The following SLC44A5 variants were observed in gnomAD, a reference collection of about 807,000 sequenced individuals.
SLC44A5 encodes solute carrier family 44 member 5.
A neutral mutation model predicts 101.8 loss-of-function variants in SLC44A5; 57 were observed. That is an observed-to-expected ratio of 0.56 (90% confidence interval 0.45 to 0.70). The LOEUF is 0.70. Ranked by LOEUF, SLC44A5 falls within the 30% of genes least tolerant of loss-of-function variation. The pLI is 0.00. For synonymous variants in SLC44A5, 281 were observed against 290.9 expected (o/e 0.97, Z 0.35); for missense variants, 737 against 853.1 (o/e 0.86, Z 1.70).
chr1:75,631,231 A>G, the SLC44A5 span, among the ~76,000 whole-genome samples: 1 of 152,214 alleles, frequency 6.6e-6, no homozygotes, highest in Non-Finnish European at 1.5e-5. Context: ...AAAGTTCAAC[A>G]TGAATGGTCT....
chr1:75,385,952 A>T (rs1423022693), intron 3 of SLC44A5, among the ~76,000 whole-genome samples: 1 of 152,188 alleles, frequency 6.6e-6, no homozygotes, highest in Non-Finnish European at 1.5e-5. Context: ...AACCAAAGAC[A>T]AAAACCACAT....
intron 4 of SLC44A5, among the ~76,000 whole-genome samples, chr1:75,321,610 G>A (rs752501526): frequency 3.3e-5 from 5 of 152,024 alleles, no homozygotes; most frequent in South Asian, 2.1e-4. Context: ...GTTTCAACAC[G>A]TATATTTTGG....
chr1:75,664,541 A>G, the SLC44A5 span, among the ~76,000 whole-genome samples: 1 of 152,294 alleles, frequency 6.6e-6, no homozygotes, highest in East Asian at 1.9e-4. Context: ...CAAGAATGCA[A>G]TTCCATTTAC....
the SLC44A5 span, among the ~76,000 whole-genome samples, chr1:75,685,004 G>A: frequency 5.3e-5 from 8 of 152,184 alleles, no homozygotes; most frequent in African/African-American, 1.9e-4. Context: ...TACATCCTCT[G>A]AAATCGAGGC....
At chr1:75,692,455 A>T in the SLC44A5 span, among the ~76,000 whole-genome samples, 1 of 152,084 alleles carries the variant, frequency 6.6e-6, no homozygotes, top group South Asian at 2.1e-4. Flanking sequence ...TCAGCCTCCC[A>T]AAGTGCTGGG....
intron 1 of SLC44A5, among the ~76,000 whole-genome samples, chr1:75,579,745 T>C (rs1408119398): frequency 1.3e-5 from 2 of 151,986 alleles, no homozygotes; most frequent in African/African-American, 4.8e-5. Context: ...ACAGAATATA[T>C]AGAAGAACAA....
chr1:75,711,222 G>C, the SLC44A5 span, among the ~76,000 whole-genome samples: 1 of 152,126 alleles, frequency 6.6e-6, no homozygotes, highest in Non-Finnish European at 1.5e-5. Context: ...ATAGGCCAGG[G>C]GCAGCAAGGT....
chr1:75,255,362 A>G (rs777854078), intron 6 of SLC44A5, among the ~76,000 whole-genome samples: 59 of 152,090 alleles, frequency 3.9e-4, no homozygotes, highest in Non-Finnish European at 7.6e-4. Context: ...CAGATTATTC[A>G]CAAAATAAAA....
At chr1:75,282,322 C>A (rs1233268376) in intron 5 of SLC44A5, among the ~76,000 whole-genome samples, 1 of 152,176 alleles carries the variant, frequency 6.6e-6, no homozygotes, top group African/African-American at 2.4e-5. Flanking sequence ...TAACCCAATG[C>A]CTGTATCCCT....
intron 1 of SLC44A5, among the ~76,000 whole-genome samples, chr1:75,583,473 T>C (rs1673817951): frequency 2.0e-5 from 3 of 152,282 alleles, no homozygotes; most frequent in Admixed American, 2.0e-4. Flanking sequence ...ACAGCCCTCT[T>C]AGGGTCCTCT....
At chr1:75,591,484 T>C (rs1674350119) in intron 1 of SLC44A5, among the ~76,000 whole-genome samples, 1 of 152,226 alleles carries the variant, frequency 6.6e-6, no homozygotes, top group South Asian at 2.1e-4. Context: ...TTTTTGCATC[T>C]ATGTTCATCA....
rs193044101 is a variant in SLC44A5, at chr1:75,355,995, T to C, written c.53-16365A>G. On this transcript the variant is annotated intron_variant, in intron 3 of 23. Coordinates refer to ENST00000370859, the MANE Select transcript of SLC44A5 (RefSeq NM_001130058.2). ...GGGAAGCGGAGGTGGGCAGATCATC[T>C]GAGGTCAGGAGTTTCAGACCAGCCT... Among the ~76,000 whole-genome samples, 988 of 152,014 alleles carry C rather than the reference T, an allele frequency of 6.5e-3. 6 individuals are homozygous for C. Among genetic ancestry groups the C allele is most frequent in the South Asian group, 0.015 (71 of 4,806 alleles).
intron 6 of SLC44A5, among the ~76,000 whole-genome samples, chr1:75,271,861 AC>A (rs1651508692): frequency 6.6e-6 from 1 of 151,940 alleles, no homozygotes; most frequent in African/African-American, 2.4e-5. Context: ...CAAATGGTAG[AC>A]CTACCTTTAG....
At chr1:75,703,665 A>G in the SLC44A5 span, among the ~76,000 whole-genome samples, 1 of 151,860 alleles carries the variant, frequency 6.6e-6, no homozygotes, top group Non-Finnish European at 1.5e-5. Context: ...GTATAATAAA[A>G]AAAAAAAAAG....
At chr1:75,423,576 C>T (rs1051827583) in intron 2 of SLC44A5, among the ~76,000 whole-genome samples, 7 of 152,162 alleles carry the variant, frequency 4.6e-5, no homozygotes, top group Non-Finnish European at 1.5e-5. Flanking sequence ...ATTTTACTAT[C>T]GTTCTATTAA....
chr1:75,619,258 A>T, the SLC44A5 span, among the ~76,000 whole-genome samples: 3 of 151,750 alleles, frequency 2.0e-5, no homozygotes, highest in African/African-American at 7.3e-5. Context: ...GGAGGAAGGA[A>T]CAAAGGAAGG....
chr1:75,226,122 G>C (rs1288559688), intron 13 of SLC44A5, among the ~76,000 whole-genome samples: 1 of 151,964 alleles, frequency 6.6e-6, no homozygotes, highest in African/African-American at 2.4e-5. Context: ...CAGTTAAAAA[G>C]GAAAAGGTAT....
intron 2 of SLC44A5, among the ~76,000 whole-genome samples, chr1:75,531,790 A>G (rs111774855): frequency 5.3e-5 from 8 of 152,186 alleles, no homozygotes; most frequent in Non-Finnish European, 1.0e-4. Flanking sequence ...TCTCTTCCAC[A>G]TTAGTCATTC....
intron 3 of SLC44A5, among the ~76,000 whole-genome samples, chr1:75,376,588 A>C (rs543005285): frequency 6.6e-5 from 10 of 152,044 alleles, no homozygotes; most frequent in Non-Finnish European, 8.8e-5. Flanking sequence ...CTCACACGGC[A>C]GGGTACTCCA....
Sources: gnomAD v4.1 joint callset for allele counts (sites outside exome capture counted in the v4.1 genomes callset) on GRCh38, gnomAD v4.1.1 for gene constraint, MANE v1.5 for transcripts, NCBI Gene and HGNC (gene_info 2026-07-23, HGNC 2026-07-21) for gene names.